NLGN1: variants seen among roughly 807,000 people sequenced by gnomAD.
The protein encoded by NLGN1 is neuroligin 1, also known as neuroligin-1.
NLGN1 carries 12 observed loss-of-function variants against 65.5 expected under a neutral mutation model. The ratio of observed to expected loss-of-function variants is 0.18; its 90% confidence interval spans 0.12 to 0.30. The LOEUF (loss-of-function observed/expected upper bound fraction) is 0.30, where lower values mean the gene tolerates loss of function less well. Ranked by LOEUF, NLGN1 falls within the 10% of genes least tolerant of loss-of-function variation. The pLI is 1.00. For synonymous variants in NLGN1, 350 were observed against 359.5 expected, an observed-to-expected ratio of 0.97 and a Z score of 0.30; for missense variants, 750 against 1,007.1, an observed-to-expected ratio of 0.74 and a Z score of 3.46.
At chr3:174,250,066 C>G (rs1156771787) in intron 4 of NLGN1, among the ~76,000 whole-genome samples, 6 of 152,092 alleles carry the variant, frequency 3.9e-5, no homozygotes, top group Non-Finnish European at 5.9e-5. Flanking sequence ...AAAAAAAGAT[C>G]ATACATAAAG....
At chr3:173,529,670 C>T (rs1736221810) in intron 2 of NLGN1, among the ~76,000 whole-genome samples, 1 of 152,172 alleles carries the variant, frequency 6.6e-6, no homozygotes, top group South Asian at 2.1e-4. Flanking sequence ...GTGGGAAATG[C>T]CTGACCCTCA....
intron 4 of NLGN1, among the ~76,000 whole-genome samples, chr3:174,055,161 T>C (rs1205534676): frequency 1.3e-5 from 2 of 151,184 alleles, no homozygotes; most frequent in Non-Finnish European, 3.0e-5. Context: ...TTTTTTTTTT[T>C]TTTTTTTTCT....
chr3:173,418,063 A>G (rs1213778242), intron 1 of NLGN1, among the ~76,000 whole-genome samples: 3 of 151,230 alleles, frequency 2.0e-5, no homozygotes, highest in Non-Finnish European at 3.0e-5. Context: ...GTGTGTGCAT[A>G]TTATTTGAAA....
At chr3:173,769,386 A>C (rs1348297205) in intron 3 of NLGN1, among the ~76,000 whole-genome samples, 1 of 152,136 alleles carries the variant, frequency 6.6e-6, no homozygotes, top group African/African-American at 2.4e-5. Context: ...CTTCTGTTCT[A>C]CACTTCATCT....
intron 4 of NLGN1, among the ~76,000 whole-genome samples, chr3:173,892,684 C>T (rs1307608527): frequency 6.7e-6 from 1 of 148,528 alleles, no homozygotes; most frequent in Non-Finnish European, 1.5e-5. Flanking sequence ...AATTGCCAGA[C>T]ACTCGTGGGG....
intron 3 of NLGN1, among the ~76,000 whole-genome samples, chr3:173,614,146 C>G (rs1752707096): frequency 6.6e-6 from 1 of 151,904 alleles, no homozygotes; most frequent in Non-Finnish European, 1.5e-5. Flanking sequence ...TGGGGCTCCT[C>G]TTCTAGAGTC....
intron 4 of NLGN1, among the ~76,000 whole-genome samples, chr3:174,189,728 A>G (rs542719764): frequency 1.5e-5 from 1 of 68,620 alleles, no homozygotes; most frequent in East Asian, 5.1e-4. Context: ...TGTTCTCTAT[A>G]TCCCTAATGT....
chr3:174,018,913 G>A (rs1374899374), intron 4 of NLGN1, among the ~76,000 whole-genome samples: 1 of 151,980 alleles, frequency 6.6e-6, no homozygotes, highest in East Asian at 1.9e-4. Flanking sequence ...CAATAAAAAT[G>A]CAAATATATT....
intron 4 of NLGN1, among the ~76,000 whole-genome samples, chr3:174,021,052 C>G (rs9853156): frequency 0.26 from 40,163 of 151,586 alleles, 6,361 homozygotes; most frequent in African/African-American, 0.44. Context: ...TATTGCTCCT[C>G]TCTTGCTTTT....
chr3:173,634,726 G>T (rs911327122), intron 3 of NLGN1, among the ~76,000 whole-genome samples: 1 of 151,972 alleles, frequency 6.6e-6, no homozygotes, highest in African/African-American at 2.4e-5. Context: ...TATATTTTAG[G>T]AGGATTGCTC....
At chr3:173,495,515 T>G (rs1729863208) in intron 2 of NLGN1, among the ~76,000 whole-genome samples, 1 of 151,424 alleles carries the variant, frequency 6.6e-6, no homozygotes, top group African/African-American at 2.4e-5. Context: ...AGTAAAACAG[T>G]GGGTGAGTTG....
intron 3 of NLGN1, among the ~76,000 whole-genome samples, chr3:173,721,556 T>G (rs1770841587): frequency 6.6e-6 from 1 of 152,200 alleles, no homozygotes; most frequent in Admixed American, 6.5e-5. Context: ...TAATAATGTC[T>G]TCAGAGTGCT....
chr3:173,920,535 C>T (rs1409463484), intron 4 of NLGN1: 3 of 152,082 alleles, frequency 2.0e-5, no homozygotes, highest in Non-Finnish European at 4.4e-5. Flanking sequence ...CCTGCTAGTT[C>T]GGCTATTTTC....
chr3:174,247,141 A>G (rs1367406849), intron 4 of NLGN1, among the ~76,000 whole-genome samples: 1 of 152,184 alleles, frequency 6.6e-6, no homozygotes, highest in African/African-American at 2.4e-5. Context: ...CCTCTTCACA[A>G]TGCCAATAAC....
rs780203365 is a variant in NLGN1 at position 174,007,407 on chromosome 3, C to T, written c.646+199575C>T. ...ATTTTCCATTCTGTGCTTTCAATCA[C>T]ACCTTTTTCTCATTCTCAAATGCTG... On this transcript the variant is annotated intron_variant, in intron 4 of 6. Coordinates refer to ENST00000457714, the Ensembl canonical transcript of NLGN1. 2.0e-5 allele frequency among the ~76,000 whole-genome samples: 3 copies of T among 152,152 alleles called. No individual in the cohort carries two copies. In the East Asian group the frequency reaches 5.8e-4, roughly 29 times the overall value.
intron 4 of NLGN1, among the ~76,000 whole-genome samples, chr3:173,975,659 A>C (rs1717262328): frequency 6.6e-6 from 1 of 151,962 alleles, no homozygotes; most frequent in Admixed American, 6.6e-5. Flanking sequence ...TTATCTTGAG[A>C]TAATACTTTC....
intron 2 of NLGN1, among the ~76,000 whole-genome samples, chr3:173,553,347 T>C (rs1741194019): frequency 6.6e-6 from 1 of 152,162 alleles, no homozygotes; most frequent in South Asian, 2.1e-4. Flanking sequence ...TCCACTAGAA[T>C]AGGAATGGCA....
chr3:174,192,374 T>A (rs572798358), intron 4 of NLGN1, among the ~76,000 whole-genome samples: 2 of 152,194 alleles, frequency 1.3e-5, no homozygotes, highest in Non-Finnish European at 2.9e-5. Context: ...TGTGTGCAAA[T>A]TACCTTTCAA....
intron 2 of NLGN1, among the ~76,000 whole-genome samples, chr3:173,499,998 C>G (rs961460451): frequency 6.6e-6 from 1 of 152,046 alleles, no homozygotes; most frequent in Admixed American, 6.5e-5. Context: ...CATCTGCAAA[C>G]AGGGACAATT....
Sources: gnomAD v4.1 joint callset for allele counts (sites outside exome capture counted in the v4.1 genomes callset) on GRCh38, gnomAD v4.1.1 for gene constraint, MANE v1.5 for transcripts, NCBI Gene and HGNC (gene_info 2026-07-23, HGNC 2026-07-21) for gene names.